RBFOX1: variants seen among roughly 807,000 people sequenced by gnomAD.
RBFOX1 encodes RNA binding protein fox-1 homolog 1.
RBFOX1 carries 8 observed loss-of-function variants against 57.7 expected under a neutral mutation model. That is an observed-to-expected ratio of 0.14 (90% CI 0.08 to 0.25). The LOEUF (loss-of-function observed/expected upper bound fraction) is 0.25. RBFOX1 is among the 10% of genes least tolerant of loss of function. RBFOX1 has a pLI of 1.00. For synonymous variants in RBFOX1, 326 were observed against 222.4 expected (o/e 1.47, Z -4.15); for missense variants, 611 against 548.5 (o/e 1.11, Z -1.14).
intron 1 of RBFOX1, among the ~76,000 whole-genome samples, chr16:6,276,923 G>A (rs1005609108): frequency 5.3e-5 from 8 of 151,878 alleles, no homozygotes; most frequent in Admixed American, 1.3e-4. Flanking sequence ...TTAGATCAGC[G>A]CTTGCCACAG....
chr16:6,085,822 C>G (rs982617302), intron 1 of RBFOX1, among the ~76,000 whole-genome samples: 1 of 151,558 alleles, frequency 6.6e-6, no homozygotes, highest in African/African-American at 2.4e-5. Context: ...AGTGCTGATT[C>G]TTTTTTTTTG....
At chr16:5,887,254 GCATTCGTGGTACCTGGCCCTGGACAC>G (rs2057920731) in intron 4 of RBFOX1, among the ~76,000 whole-genome samples, 1 of 152,196 alleles carries the variant, frequency 6.6e-6, no homozygotes, top group Admixed American at 6.5e-5. Flanking sequence ...AGCACAGTCA[GCATTCGTGGTACCTGGCCCTGGACAC>G]CACAGCAGCC....
At chr16:5,484,598 C>T (rs952465115) in intron 2 of RBFOX1, among the ~76,000 whole-genome samples, 34 of 152,136 alleles carry the variant, frequency 2.2e-4, no homozygotes, top group African/African-American at 8.2e-4. Context: ...GGCAACATAG[C>T]GAGACCTTGT....
intron 4 of RBFOX1, among the ~76,000 whole-genome samples, chr16:7,480,003 T>A (rs181657298): frequency 3.2e-4 from 48 of 152,300 alleles, no homozygotes; most frequent in African/African-American, 9.6e-4. Context: ...AGGTGCCAGT[T>A]CCAGCCTGAT....
intron 4 of RBFOX1, among the ~76,000 whole-genome samples, chr16:7,240,167 A>G (rs916106458): frequency 6.6e-6 from 1 of 152,112 alleles, no homozygotes; most frequent in African/African-American, 2.4e-5. Context: ...GGGTTTCACC[A>G]TGTTGGCCAA....
chr16:5,333,705 A>G (rs1235411554), intron 1 of RBFOX1, among the ~76,000 whole-genome samples: 1 of 152,182 alleles, frequency 6.6e-6, no homozygotes, highest in Non-Finnish European at 1.5e-5. Flanking sequence ...CACTTATACA[A>G]ACCTAGATGG....
intron 4 of RBFOX1, among the ~76,000 whole-genome samples, chr16:7,210,951 G>A (rs9922353): frequency 0.05 from 7,524 of 151,780 alleles, 591 homozygotes; most frequent in African/African-American, 0.17. Flanking sequence ...ATAGAAAGGA[G>A]GGAAGAAAGG....
chr16:6,603,567 C>T (rs733410), intron 2 of RBFOX1, among the ~76,000 whole-genome samples: 6,376 of 152,262 alleles, frequency 0.042, 192 homozygotes, highest in South Asian at 0.071. Flanking sequence ...CTCCATGATT[C>T]TGAGCCTCTT....
At chr16:5,849,813 C>T (rs1050524617) in intron 3 of RBFOX1, among the ~76,000 whole-genome samples, 1 of 152,162 alleles carries the variant, frequency 6.6e-6, no homozygotes, top group African/African-American at 2.4e-5. Flanking sequence ...TTGAGTTGTG[C>T]TGTCATTTGT....
At chr16:7,067,521 T>G (rs2056364192) in intron 4 of RBFOX1, among the ~76,000 whole-genome samples, 1 of 151,908 alleles carries the variant, frequency 6.6e-6, no homozygotes, top group Non-Finnish European at 1.5e-5. Flanking sequence ...GTCCCTGTTT[T>G]CTTTTTTTGT....
intron 4 of RBFOX1, among the ~76,000 whole-genome samples, chr16:7,372,057 G>A (rs1301884818): frequency 6.6e-6 from 1 of 152,050 alleles, no homozygotes; most frequent in Non-Finnish European, 1.5e-5. Flanking sequence ...TATGGGCCCT[G>A]ATTACTTTTT....
intron 4 of RBFOX1, among the ~76,000 whole-genome samples, chr16:7,497,357 A>G (rs559711619): frequency 4.6e-5 from 7 of 152,248 alleles, no homozygotes; most frequent in African/African-American, 1.7e-4. Context: ...AACTCACTCC[A>G]TCATCTCCTC....
intron 4 of RBFOX1, among the ~76,000 whole-genome samples, chr16:7,460,905 T>C (rs1860554): frequency 0.97 from 148,113 of 152,210 alleles, 72,101 homozygotes; most frequent in East Asian, 1. Context: ...CCTAGTGATA[T>C]GAAAATGGCT....
intron 5 of RBFOX1, among the ~76,000 whole-genome samples, chr16:7,521,209 C>G (rs2077448558): frequency 6.6e-6 from 1 of 152,174 alleles, no homozygotes; most frequent in South Asian, 2.1e-4. Context: ...AAGATCTGGG[C>G]TCACTCAAAG....
chr16:5,548,636 C>T (rs182828598), intron 2 of RBFOX1, among the ~76,000 whole-genome samples: 19 of 151,920 alleles, frequency 1.3e-4, no homozygotes, highest in African/African-American at 4.3e-4. Context: ...TATACACCAA[C>T]TATGTACCCA....
intron 5 of RBFOX1, among the ~76,000 whole-genome samples, chr16:7,549,085 C>G (rs142836725): frequency 6.6e-6 from 1 of 152,154 alleles, no homozygotes; most frequent in African/African-American, 2.4e-5. Context: ...ACATTTAAGC[C>G]GATGACTAAG....
At chr16:5,476,690 G>A (rs2069336878) in intron 2 of RBFOX1, among the ~76,000 whole-genome samples, 1 of 152,200 alleles carries the variant, frequency 6.6e-6, no homozygotes, top group South Asian at 2.1e-4. Flanking sequence ...TTGCTCCATG[G>A]ATGCCTTTTA....
chr16:7,020,210 G>T (rs1335705547), intron 3 of RBFOX1, among the ~76,000 whole-genome samples: 3 of 151,080 alleles, frequency 2.0e-5, no homozygotes, highest in African/African-American at 4.9e-5. Flanking sequence ...TTTTTTCTTT[G>T]TTTCTTTGTT....
At chr16:6,898,176 G>T (rs1196010976) in intron 3 of RBFOX1, among the ~76,000 whole-genome samples, 1 of 152,208 alleles carries the variant, frequency 6.6e-6, no homozygotes. Context: ...GTAGCCAACG[G>T]CATTAAGAAT....
Sources: gnomAD v4.1 joint callset for allele counts (sites outside exome capture counted in the v4.1 genomes callset) on GRCh38, gnomAD v4.1.1 for gene constraint, MANE v1.5 for transcripts, NCBI Gene and HGNC (gene_info 2026-07-23, HGNC 2026-07-21) for gene names.